The following DGLUCY variants were observed in gnomAD, a reference collection of about 807,000 sequenced individuals.
DGLUCY encodes D-glutamate cyclase, mitochondrial.
DGLUCY carries 58 observed loss-of-function variants against 58.5 expected under a neutral mutation model. The ratio of observed to expected loss-of-function variants is 0.99; its 90% CI spans 0.80 to 1.23. DGLUCY has a LOEUF of 1.23. DGLUCY is among the 50% of genes most tolerant of loss of function. DGLUCY has a pLI of 0.00. For missense variants in DGLUCY, 779 were observed against 784.7 expected (o/e 0.99, Z 0.09); for synonymous variants, 325 against 314.1 (o/e 1.03, Z -0.37).
intron 1 of DGLUCY, among the ~76,000 whole-genome samples, chr14:91,129,554 A>G (rs1288144299): frequency 6.6e-6 from 1 of 151,916 alleles, no homozygotes; most frequent in Non-Finnish European, 1.5e-5. Context: ...TGGGCAATAT[A>G]GGGAGACCCC....
intron 11 of DGLUCY, among the ~76,000 whole-genome samples, chr14:91,201,592 C>T (rs576610517): frequency 4.2e-4 from 64 of 152,094 alleles, no homozygotes; most frequent in African/African-American, 2.6e-4. Flanking sequence ...CCACCATGCC[C>T]GGCTGCTTGG....
chr14:91,162,230 T>G (rs551756986), intron 3 of DGLUCY, among the ~76,000 whole-genome samples: 1 of 152,318 alleles, frequency 6.6e-6, no homozygotes, highest in South Asian at 2.1e-4. Flanking sequence ...AGCTTGGAGC[T>G]GTCTTCTGGG....
At chr14:91,169,695 C>G (rs1364315974) in intron 4 of DGLUCY, among the ~76,000 whole-genome samples, 1 of 151,206 alleles carries the variant, frequency 6.6e-6, no homozygotes, top group African/African-American at 2.4e-5. Flanking sequence ...CAGTCATGAG[C>G]CACCGTGCCT....
At chr14:91,088,902 G>A (rs537845942) in intron 1 of DGLUCY, among the ~76,000 whole-genome samples, 1 of 152,310 alleles carries the variant, frequency 6.6e-6, no homozygotes, top group South Asian at 2.1e-4. Flanking sequence ...CTGTTCCAAG[G>A]CCAGCTCTGT....
intron 12 of DGLUCY, among the ~76,000 whole-genome samples, chr14:91,205,791 T>TCTC (rs1279304798): frequency 1.5e-5 from 2 of 130,850 alleles, no homozygotes; most frequent in Non-Finnish European, 3.2e-5. Context: ...TTCTTCTTCT[T>TCTC]CTTCTCCGTC....
chr14:91,108,526 TGAGAGAGAGAGAGA>T (rs1194090963), intron 1 of DGLUCY, among the ~76,000 whole-genome samples: 3 of 52,122 alleles, frequency 5.8e-5, no homozygotes, highest in African/African-American at 1.3e-4. Context: ...TGTGTGTGTG[TGAGAGAGAGAGAGA>T]GAGAGAGAGA....
intron 1 of DGLUCY, among the ~76,000 whole-genome samples, chr14:91,151,857 G>A (rs1443479430): frequency 6.6e-6 from 1 of 150,586 alleles, no homozygotes; most frequent in East Asian, 2.0e-4. Flanking sequence ...GTTTTGCCAT[G>A]TTGGCCAGAC....
chr14:91,139,928 C>T (rs1285452624), intron 1 of DGLUCY, among the ~76,000 whole-genome samples: 3 of 152,134 alleles, frequency 2.0e-5, no homozygotes, highest in Non-Finnish European at 4.4e-5. Flanking sequence ...AAGAGGGAGG[C>T]TGTGGTCACA....
chr14:91,096,121 T>C (rs540810035), intron 1 of DGLUCY, among the ~76,000 whole-genome samples: 2 of 152,304 alleles, frequency 1.3e-5, no homozygotes, highest in East Asian at 3.9e-4. Context: ...CACTTTGTAT[T>C]GCACAAGTGG....
chr14:91,186,317 G>A (rs961869925), intron 8 of DGLUCY, among the ~76,000 whole-genome samples: 3 of 152,046 alleles, frequency 2.0e-5, no homozygotes, highest in Admixed American at 6.6e-5. Flanking sequence ...TGCGATCTCA[G>A]CTCACTGCAG....
intron 9 of DGLUCY, among the ~76,000 whole-genome samples, chr14:91,190,051 G>A (rs1332732831): frequency 2.1e-5 from 3 of 141,088 alleles, no homozygotes; most frequent in East Asian, 2.2e-4. Context: ...GCAGTGGCGC[G>A]ATCTCGGCTC....
chr14:91,164,054 A>T (rs1195244576), intron 3 of DGLUCY, among the ~76,000 whole-genome samples: 1 of 152,024 alleles, frequency 6.6e-6, no homozygotes, highest in Non-Finnish European at 1.5e-5. Flanking sequence ...GGTTCAAGCG[A>T]TTCTCCTGTC....
At chr14:91,173,681 G>C in intron 6 of DGLUCY, 1 of 463,618 alleles carries the variant, frequency 2.2e-6, no homozygotes, top group Non-Finnish European at 3.7e-6. Context: ...CAGGGGCAAA[G>C]GCCCTGAACA....
chr14:91,141,364 C>T lies in DGLUCY; in HGVS notation c.-81-16275C>T, dbSNP rs577787325. Among the ~76,000 whole-genome samples the T allele has an allele frequency of 5.4e-4, 80 of 147,554 alleles. 2 individuals are homozygous for T. The South Asian group carries it at 0.016, about 30-fold the overall frequency. On this transcript the variant is annotated intron_variant, in intron 1 of 13. Coordinates refer to ENST00000256324, the MANE Select transcript of DGLUCY (RefSeq NM_001102368.3). The stretch of plus-strand genomic sequence containing the variant: ...CTCCAGCCTGGGTGACAAAGCGAGA[C>T]GCCATCTAAAAAAAAAAAAAGAAAA...
chr14:91,103,827 C>CAT (rs1029447152), upstream of DGLUCY, among the ~76,000 whole-genome samples: 2 of 146,202 alleles, frequency 1.4e-5, no homozygotes, highest in Non-Finnish European at 3.0e-5. Flanking sequence ...CACACACACA[C>CAT]ATATATATAC....
intron 4 of DGLUCY, among the ~76,000 whole-genome samples, chr14:91,169,019 AGAGGTTGCAGTGAGCC>A (rs2048428146): frequency 6.6e-6 from 1 of 152,016 alleles, no homozygotes; most frequent in South Asian, 2.1e-4. Context: ...CCTGGGAGGC[AGAGGTTGCAGTGAGCC>A]GAGGTTGCAC....
upstream of DGLUCY, among the ~76,000 whole-genome samples, chr14:91,106,478 G>A (rs1046504103): frequency 4.0e-5 from 6 of 151,852 alleles, no homozygotes; most frequent in South Asian, 6.2e-4. Flanking sequence ...AGGCCGAGGC[G>A]GGCAGATCAT....
chr14:91,117,231 C>T (rs894385369), intron 1 of DGLUCY, among the ~76,000 whole-genome samples: 8 of 152,170 alleles, frequency 5.3e-5, no homozygotes, highest in African/African-American at 1.2e-4. Flanking sequence ...GCAGTGAGGA[C>T]GACCAGAGGT....
At chr14:91,090,916 T>A (rs1280365210) in intron 1 of DGLUCY, among the ~76,000 whole-genome samples, 1 of 152,200 alleles carries the variant, frequency 6.6e-6, no homozygotes, top group Admixed American at 6.5e-5. Flanking sequence ...TTTCCCTGGC[T>A]TCTCCAAACA....
Sources: gnomAD v4.1 joint callset for allele counts (sites outside exome capture counted in the v4.1 genomes callset) on GRCh38, gnomAD v4.1.1 for gene constraint, MANE v1.5 for transcripts, NCBI Gene and HGNC (gene_info 2026-07-23, HGNC 2026-07-21) for gene names.